Variants in PDK1 observed in about 807,000 individuals in gnomAD.
PDK1 encodes the protein pyruvate dehydrogenase kinase 1.
A neutral mutation model predicts 54.2 loss-of-function variants in PDK1; 39 were observed. The observed-to-expected ratio is 0.72, with a 90% confidence interval of 0.56 to 0.94. The LOEUF (loss-of-function observed/expected upper bound fraction) is 0.94, where lower values mean the gene tolerates loss of function less well. Ranked by LOEUF, PDK1 falls within the 40% of genes least tolerant of loss-of-function variation. The pLI is 0.00. For synonymous variants in PDK1, 221 were observed against 207.1 expected (o/e 1.07, Z -0.58); for missense variants, 552 against 566.0 (o/e 0.98, Z 0.25).
At chr2:172,556,449 C>T in intron 1 of PDK1, 103 bp downstream of exon 1, 3 of 775,286 alleles carry the variant, frequency 3.9e-6, no homozygotes, top group Non-Finnish European at 5.5e-6. Flanking sequence ...TCGCCTGAGG[C>T]GCACCCCTCC....
chr2:172,694,138 C>G, the PDK1 span, among the ~76,000 whole-genome samples: 1 of 152,182 alleles, frequency 6.6e-6, no homozygotes, highest in Non-Finnish European at 1.5e-5. Flanking sequence ...TTTCCTCACC[C>G]TTCACCATAG....
the PDK1 span, among the ~76,000 whole-genome samples, chr2:172,697,853 T>G: frequency 6.6e-6 from 1 of 152,138 alleles, no homozygotes. Flanking sequence ...CAGCTATAGT[T>G]TTAGCAAAAA....
intron 8 of PDK1, among the ~76,000 whole-genome samples, chr2:172,585,320 T>A (rs1330559323): frequency 1.8e-5 from 2 of 109,806 alleles, no homozygotes; most frequent in Non-Finnish European, 4.1e-5. Flanking sequence ...TTTTTAATTT[T>A]TTTTTTTTTT....
chr2:172,609,234 G>A (rs1015233698), downstream of PDK1, among the ~76,000 whole-genome samples: 1 of 152,172 alleles, frequency 6.6e-6, no homozygotes, highest in Non-Finnish European at 1.5e-5. Context: ...TGATTGTTAA[G>A]TGGAAATTGG....
chr2:172,685,868 A>G, the PDK1 span, among the ~76,000 whole-genome samples: 1 of 152,188 alleles, frequency 6.6e-6, no homozygotes, highest in African/African-American at 2.4e-5. Context: ...TGCTGCTCAA[A>G]AAAATCTTCG....
At chr2:172,669,216 C>T in the PDK1 span, among the ~76,000 whole-genome samples, 4 of 151,276 alleles carry the variant, frequency 2.6e-5, no homozygotes, top group East Asian at 3.9e-4. Context: ...TCTGCCACTA[C>T]GCCCGGCTAA....
chr2:172,586,526 C>T, intron 9 of PDK1, 138 bp downstream of exon 9: 1 of 521,450 alleles, frequency 1.9e-6, no homozygotes, highest in Non-Finnish European at 3.5e-6. Context: ...ACACTTTCCC[C>T]TAAATTTAAA....
chr2:172,556,901 A>G (rs538996152), intron 1 of PDK1, among the ~76,000 whole-genome samples: 1 of 152,366 alleles, frequency 6.6e-6, no homozygotes, highest in East Asian at 1.9e-4. Flanking sequence ...TGTTGAGTGC[A>G]TGAGGACAAG....
rs1352514606 is a variant in PDK1, at chr2:172,602,460, C to A, written c.*6491C>A. The A allele has an allele frequency of 1.3e-5, 2 of 152,050 alleles. No individual in the cohort carries two copies. The highest frequency in any genetic ancestry group is 4.8e-5 in the African/African-American group (2 of 41,384). 9.4% of individuals were successfully genotyped at this position (152,050 alleles called of 1,614,324 possible). A position where few individuals can be genotyped will look rare whatever the true frequency, so the allele number is the denominator to read the frequency against. On this transcript the variant is annotated 3_prime_UTR_variant, in exon 11 of 11. Transcript: ENST00000282077. The stretch of plus-strand genomic sequence containing the variant: ...AAGTGCTTAACTCACTTATATAAGC[C>A]ATTAGTGGATGTTACAATAAACCTC...
the PDK1 span, among the ~76,000 whole-genome samples, chr2:172,631,028 C>T: frequency 4.0e-4 from 61 of 152,310 alleles, no homozygotes; most frequent in African/African-American, 1.4e-3. Flanking sequence ...TTACCTTTCA[C>T]ATTTAGGTCT....
the PDK1 span, among the ~76,000 whole-genome samples, chr2:172,664,472 A>G: frequency 6.6e-6 from 1 of 151,850 alleles, no homozygotes; most frequent in Non-Finnish European, 1.5e-5. Context: ...TTTGAAATCT[A>G]ATAGTTTTAC....
chr2:172,576,196 G>T (rs1307116476), intron 8 of PDK1, among the ~76,000 whole-genome samples: 5 of 152,142 alleles, frequency 3.3e-5, no homozygotes, highest in Admixed American at 3.3e-4. Flanking sequence ...AAAGTTCTGG[G>T]ATTACAGGCA....
chr2:172,689,659 C>T, the PDK1 span, among the ~76,000 whole-genome samples: 5 of 152,210 alleles, frequency 3.3e-5, no homozygotes, highest in South Asian at 8.3e-4. Context: ...GAGATATAGA[C>T]CAATGGAACA....
chr2:172,621,717 T>TTATATGTTTATATCGCATATATGTCA, the PDK1 span, among the ~76,000 whole-genome samples: 1 of 137,684 alleles, frequency 7.3e-6, no homozygotes, highest in Admixed American at 7.2e-5. Context: ...ATCAAACATG[T>TTATATGTTTATATCGCATATATGTCA]TATATGTTTA....
chr2:172,708,976 T>C, the PDK1 span, among the ~76,000 whole-genome samples: 66 of 152,214 alleles, frequency 4.3e-4, no homozygotes, highest in Non-Finnish European at 4.3e-4. Context: ...CAACCTGTAA[T>C]TGATAGCTGC....
At chr2:172,687,637 C>T in the PDK1 span, among the ~76,000 whole-genome samples, 1 of 152,178 alleles carries the variant, frequency 6.6e-6, no homozygotes, top group African/African-American at 2.4e-5. Flanking sequence ...GTTTCCCAAA[C>T]CTTCATTCCG....
chr2:172,631,880 T>C, the PDK1 span, among the ~76,000 whole-genome samples: 12 of 152,224 alleles, frequency 7.9e-5, no homozygotes, highest in African/African-American at 2.4e-5. Context: ...ACGAATACTC[T>C]TCTGACACAG....
intron 9 of PDK1, among the ~76,000 whole-genome samples, chr2:172,591,959 T>G (rs1040889903): frequency 8.5e-5 from 13 of 152,250 alleles, no homozygotes; most frequent in African/African-American, 2.9e-4. Flanking sequence ...AATAGTTTCC[T>G]TATTACTTAC....
the PDK1 span, chr2:172,691,258 T>C: frequency 2.7e-5 from 4 of 150,394 alleles, 1 homozygote; most frequent in African/African-American, 9.7e-5. Context: ...TTCGTTACAA[T>C]TGATAAGCCT....
Sources: allele counts gnomAD v4.1 joint callset (sites outside exome capture counted in the v4.1 genomes callset), GRCh38; gene constraint gnomAD v4.1.1; transcripts MANE v1.5; gene names NCBI Gene and HGNC (gene_info 2026-07-23, HGNC 2026-07-21).